PFN3: variants seen among roughly 807,000 people sequenced by gnomAD.
The protein encoded by PFN3 is profilin-3.
A neutral mutation model predicts 6.2 loss-of-function variants in PFN3; 7 were observed. That is an observed-to-expected ratio of 1.13 (90% confidence interval 0.64 to 2.13). PFN3 has a LOEUF of 2.13. Ranked by LOEUF, PFN3 falls within the 30% of genes most tolerant of loss-of-function variation. PFN3 has a pLI of 0.00. For missense variants in PFN3, 251 were observed against 209.3 expected (o/e 1.20, Z -1.23); for synonymous variants, 112 against 97.7 (o/e 1.15, Z -0.87).
Position 177,400,256 on chromosome 5 carries a change from G to A in PFN3, c.321C>T (p.Leu107=), listed in dbSNP as rs1227662845. The stretch of plus-strand genomic sequence containing the variant: ...CGCCGCGTCGGCCCATTAGCACCAG[G>A]AGCGCGCGCGGCGCACGGCCCACGC... ...AVCVGRAPRA[L]LVLMGRRGVH... Residue 107 remains leucine, a synonymous_variant, in exon 1 of 1, where the codon CTC becomes CTT. Transcript: ENST00000358571. 11 of 1,609,808 alleles carry A rather than the reference G, an allele frequency of 6.8e-6. No homozygotes were observed. In the South Asian group the frequency reaches 7.7e-5, roughly 11 times the overall value.
chr5:177,400,633 C>G lies in PFN3; in HGVS notation c.-57G>C, dbSNP rs1763114938. The stretch of plus-strand genomic sequence containing the variant: ...CTCTCGGGGAAATATAGAGGCGCCA[C>G]GCGGGGAAGGCCTGCGGCGCTGTGA... On this transcript the variant is annotated 5_prime_UTR_variant, in exon 1 of 1. Transcript: ENST00000358571. 6.5e-7 allele frequency: 1 copy of G among 1,549,242 alleles called. No individual in the cohort carries two copies. Among genetic ancestry groups the G allele is most frequent in the Admixed American group, 1.8e-5 (1 of 54,182 alleles).
At position 177,400,345 on chromosome 5, in the gene PFN3, G is replaced by GGT; in HGVS notation, c.230_231dup (p.Leu78ThrfsTer34). The GGT allele has an allele frequency of 6.5e-7, 1 of 1,536,060 alleles. No homozygotes were observed. The highest frequency in any genetic ancestry group is 1.2e-5 in the South Asian group (1 of 82,662). ...AGCACGCCGTCACCCTCGGCCAGCA[G>GGT]GTGGTCGCGGATGACGCAGCAGCGG... On this transcript the variant is annotated frameshift_variant, in exon 1 of 1. Coordinates refer to ENST00000358571, the MANE Select transcript of PFN3 (RefSeq NM_001029886.3). LOFTEE classifies it high-confidence loss of function.
In PFN3 at chr5:177,400,373, G is replaced by A. The variant is rs1561638005; in HGVS notation, c.204C>T (p.Gly68=). 1 of 1,536,432 alleles carries A rather than the reference G, an allele frequency of 6.5e-7. No individual in the cohort carries two copies. Among genetic ancestry groups the A allele is most frequent in the Non-Finnish European group, 8.8e-7 (1 of 1,142,394 alleles). ...TFLQAGLSVG[G]RRCCVIRDHL... ...GGTCGCGGATGACGCAGCAGCGGCG[G>A]CCCCCCACGCTCAGGCCCGCCTGCA... Residue 68 remains glycine, a synonymous_variant, in exon 1 of 1, where the codon GGC becomes GGT. Transcript: ENST00000358571.
Position 177,400,471 on chromosome 5 carries a change from G to T in PFN3, c.106C>A (p.Pro36Thr). ...GAGATGGCCGCCAGCAGGCCCCCGG[G>T]CCGCGAAGCCCACACGCAGCTGTTG... Reference protein sequence around the residue: ...ADNSCVWASRPGGLLAAISPQ... With the variant: ...ADNSCVWASRTGGLLAAISPQ... Residue 36 changes from proline (P) to threonine (T), a missense_variant, in exon 1 of 1, where the codon CCC becomes ACC. Transcript: ENST00000358571. The T allele has an allele frequency of 6.3e-7, 1 of 1,576,410 alleles. No homozygotes were observed.
rs939465714 is a variant in PFN3, at chr5:177,400,648, C to T, written c.-72G>A. On this transcript the variant is annotated 5_prime_UTR_variant, in exon 1 of 1. Transcript: ENST00000358571. Reference sequence around the variant, plus strand: ...AGAGGCGCCACGCGGGGAAGGCCTGCGGCGCTGTGAGGCAGGCTGGGCGGG... The same window carrying T: ...AGAGGCGCCACGCGGGGAAGGCCTGTGGCGCTGTGAGGCAGGCTGGGCGGG... 6.6e-7 allele frequency: 1 copy of T among 1,518,276 alleles called. No homozygotes were observed. The highest frequency in any genetic ancestry group is 1.4e-5 in the African/African-American group (1 of 71,456). The allele number at this position is 1,518,276 out of a possible 1,614,324, so 94.1% of individuals were successfully genotyped here.
rs1035285210 is a variant in PFN3 at position 177,400,148 on chromosome 5, G to C, written c.*15C>G. ...TATTTGGCCCGCGCTACCAGTGGGC[G>C]GCCTGGCTGGCCGGCTAGGCGCCCT... On this transcript the variant is annotated 3_prime_UTR_variant, in exon 1 of 1. Coordinates refer to ENST00000358571, the MANE Select transcript of PFN3 (RefSeq NM_001029886.3). 1 of 1,609,974 alleles carries C rather than the reference G, an allele frequency of 6.2e-7. No homozygotes were observed. Among genetic ancestry groups the C allele is most frequent in the Admixed American group, 1.7e-5 (1 of 59,670 alleles).
At position 177,400,257 on chromosome 5, in the gene PFN3, A is replaced by AGC; in HGVS notation, c.318_319dup (p.Leu107ArgfsTer5). 1 of 1,609,748 alleles carries AGC rather than the reference A, an allele frequency of 6.2e-7. No homozygotes were observed. The highest frequency in any genetic ancestry group is 8.5e-7 in the Non-Finnish European group (1 of 1,178,558). On this transcript the variant is annotated frameshift_variant, in exon 1 of 1. Transcript: ENST00000358571. LOFTEE classifies it high-confidence loss of function. Reference sequence around the variant, plus strand: ...GCCGCGTCGGCCCATTAGCACCAGGAGCGCGCGCGGCGCACGGCCCACGCA... The same window carrying AGC: ...GCCGCGTCGGCCCATTAGCACCAGGAGCGCGCGCGCGGCGCACGGCCCACGCA...
chr5:177,400,133 G>T lies in PFN3; in HGVS notation c.*30C>A. On this transcript the variant is annotated 3_prime_UTR_variant, in exon 1 of 1. Transcript: ENST00000358571. The stretch of plus-strand genomic sequence containing the variant: ...GCCCAGGTCACAGTTTATTTGGCCC[G>T]CGCTACCAGTGGGCGGCCTGGCTGG... 1 of 1,608,164 alleles carries T rather than the reference G, an allele frequency of 6.2e-7. No individual in the cohort carries two copies. Among genetic ancestry groups the T allele is most frequent in the Non-Finnish European group, 8.5e-7 (1 of 1,177,944 alleles).
In PFN3 at chr5:177,400,544, C is replaced by T. The variant is rs1422634756; in HGVS notation, c.33G>A (p.Val11=). Residue 11 remains valine (V), a synonymous_variant, in exon 1 of 1, where the codon GTG becomes GTA. Transcript: ENST00000358571. The part of the protein sequence containing the change: MGDWKVYISA[V]LRDQRIDDVA... ...CGTCGTCGATGCGCTGGTCCCGCAG[C>T]ACTGCACTGATGTAGACCTTCCAGT... 2 of 1,597,414 alleles carry T rather than the reference C, an allele frequency of 1.3e-6. No individual in the cohort carries two copies. Among genetic ancestry groups the T allele is most frequent in the Non-Finnish European group, 8.5e-7 (1 of 1,179,254 alleles).
rs1449968070 is a variant in PFN3 at position 177,400,201 on chromosome 5, G to A, written c.376C>T (p.His126Tyr). The A allele has an allele frequency of 6.2e-7, 1 of 1,611,966 alleles. No homozygotes were observed. Among genetic ancestry groups the A allele is most frequent in the Non-Finnish European group, 8.5e-7 (1 of 1,179,608 alleles). ...VHGGILNKTV[H>Y]ELIRGLRMQG... ...ATGCGCAGCCCGCGTATGAGTTCGT[G>A]CACCGTCTTGTTGAGGATGCCCCCA... The change falls in exon 1 of 1, where the codon CAC (histidine) becomes TAC (tyrosine). Residue 126 changes from histidine to tyrosine, a missense_variant. Transcript: ENST00000358571.
Position 177,400,580 on chromosome 5 carries a change from G to A in PFN3, c.-4C>T. 6.3e-7 allele frequency: 1 copy of A among 1,592,588 alleles called. No individual in the cohort carries two copies. Among genetic ancestry groups the A allele is most frequent in the African/African-American group, 1.4e-5 (1 of 74,006 alleles). The stretch of plus-strand genomic sequence containing the variant: ...TGTAGACCTTCCAGTCGCCCATCGC[G>A]CTCCGAGTGCGCCCAGCCGCCTCGC... On this transcript the variant is annotated 5_prime_UTR_variant, in exon 1 of 1. Coordinates refer to ENST00000358571, the MANE Select transcript of PFN3 (RefSeq NM_001029886.3).
At position 177,400,132 on chromosome 5, in the gene PFN3, C is replaced by A; in HGVS notation, c.*31G>T. ...CGCCCAGGTCACAGTTTATTTGGCCCGCGCTACCAGTGGGCGGCCTGGCTG... is the reference window on the plus strand; with the variant it reads ...CGCCCAGGTCACAGTTTATTTGGCCAGCGCTACCAGTGGGCGGCCTGGCTG... On this transcript the variant is annotated 3_prime_UTR_variant, in exon 1 of 1. Coordinates refer to ENST00000358571, the MANE Select transcript of PFN3 (RefSeq NM_001029886.3). 5 of 1,606,538 alleles carry A rather than the reference C, an allele frequency of 3.1e-6. No individual in the cohort carries two copies. The highest frequency in any genetic ancestry group is 4.2e-6 in the Non-Finnish European group (5 of 1,177,308).
Position 177,400,647 on chromosome 5 carries a change from G to GCCTCA in PFN3, c.-72_-71insTGAGG. On this transcript the variant is annotated 5_prime_UTR_variant, in exon 1 of 1. Coordinates refer to ENST00000358571, the MANE Select transcript of PFN3 (RefSeq NM_001029886.3). Reference sequence around the variant, plus strand: ...TAGAGGCGCCACGCGGGGAAGGCCTGCGGCGCTGTGAGGCAGGCTGGGCGG... The same window carrying GCCTCA: ...TAGAGGCGCCACGCGGGGAAGGCCTGCCTCACGGCGCTGTGAGGCAGGCTGGGCGG... 1 of 1,519,848 alleles carries GCCTCA rather than the reference G, an allele frequency of 6.6e-7. No individual in the cohort carries two copies. Among genetic ancestry groups the GCCTCA allele is most frequent in the Non-Finnish European group, 8.8e-7 (1 of 1,137,134 alleles). The allele number at this position is 1,519,848 out of a possible 1,614,324, so 94.1% of individuals were successfully genotyped here.
In PFN3 at chr5:177,400,397, C is replaced by T; in HGVS notation, c.180G>A (p.Leu60=). Residue 60 remains leucine (L), a synonymous_variant, in exon 1 of 1, where the codon CTG becomes CTA. Coordinates refer to ENST00000358571, the MANE Select transcript of PFN3 (RefSeq NM_001029886.3). ...VLTGPDRHTF[L]QAGLSVGGRR... is the part of the protein sequence containing the mutation. ...GGCCCCCCACGCTCAGGCCCGCCTGCAGGAAGGTGTGCCTGTCCGGCCCCG... is the reference window on the plus strand; with the variant it reads ...GGCCCCCCACGCTCAGGCCCGCCTGTAGGAAGGTGTGCCTGTCCGGCCCCG... 2 of 1,540,540 alleles carry T rather than the reference C, an allele frequency of 1.3e-6. No individual in the cohort carries two copies. The highest frequency in any genetic ancestry group is 1.7e-6 in the Non-Finnish European group (2 of 1,145,100).
Position 177,400,113 on chromosome 5 carries a change from G to T in PFN3, c.*50C>A. 6.3e-7 allele frequency: 1 copy of T among 1,598,354 alleles called. No individual in the cohort carries two copies. The highest frequency in any genetic ancestry group is 1.1e-5 in the South Asian group (1 of 89,936). On this transcript the variant is annotated 3_prime_UTR_variant, in exon 1 of 1. Coordinates refer to ENST00000358571, the MANE Select transcript of PFN3 (RefSeq NM_001029886.3). ...GTGGAGGAGGAGCCAGCCGCGCCCA[G>T]GTCACAGTTTATTTGGCCCGCGCTA...
At position 177,400,222 on chromosome 5, in the gene PFN3, C is replaced by T; in HGVS notation, c.355G>A (p.Gly119Ser). ...TCGTGCACCGTCTTGTTGAGGATGC[C>T]CCCATGTACGCCGCGTCGGCCCATT... Reference protein sequence around the residue: ...VLMGRRGVHGGILNKTVHELI... With the variant: ...VLMGRRGVHGSILNKTVHELI... The change falls in exon 1 of 1, where the codon GGC becomes AGC. Residue 119 changes from glycine (G) to serine (S), a missense_variant. By Grantham distance (56) the Gly-to-Ser change is moderately conservative. Transcript: ENST00000358571. The T allele has an allele frequency of 6.2e-7, 1 of 1,611,942 alleles. No homozygotes were observed. Among genetic ancestry groups the T allele is most frequent in the Non-Finnish European group, 8.5e-7 (1 of 1,179,524 alleles).
chr5:177,400,317 T>C lies in PFN3; in HGVS notation c.260A>G (p.Asp87Gly), dbSNP rs915309754. 2 of 1,560,816 alleles carry C rather than the reference T, an allele frequency of 1.3e-6. No homozygotes were observed. Among genetic ancestry groups the C allele is most frequent in the East Asian group, 2.4e-5 (1 of 41,238 alleles). Residue 87 changes from aspartate (D) to glycine (G), a missense_variant, in exon 1 of 1, where the codon GAC becomes GGC. By Grantham distance (94) the Asp-to-Gly change is moderately conservative (BLOSUM62 -1). Transcript: ENST00000358571. ...HLLAEGDGVL[D>G]ARTKGLDARA... ...CGCGTCCAGCCCCTTGGTGCGTGCG[T>C]CCAGCACGCCGTCACCCTCGGCCAG...
Position 177,400,404 on chromosome 5 carries a change from G to A in PFN3, c.173C>T (p.Thr58Ile). Residue 58 changes from threonine to isoleucine, a missense_variant, in exon 1 of 1, where the codon ACC (threonine) becomes ATC (isoleucine). Coordinates refer to ENST00000358571, the MANE Select transcript of PFN3 (RefSeq NM_001029886.3). ...CACGCTCAGGCCCGCCTGCAGGAAGGTGTGCCTGTCCGGCCCCGTGAGCAC... is the reference window on the plus strand; with the variant it reads ...CACGCTCAGGCCCGCCTGCAGGAAGATGTGCCTGTCCGGCCCCGTGAGCAC... ...VGVLTGPDRHTFLQAGLSVGG... is the reference protein window; with the variant it reads ...VGVLTGPDRHIFLQAGLSVGG... 6.5e-7 allele frequency: 1 copy of A among 1,540,758 alleles called. No homozygotes were observed. Among genetic ancestry groups the A allele is most frequent in the Non-Finnish European group, 8.7e-7 (1 of 1,145,698 alleles).
In PFN3 at chr5:177,400,382, G is replaced by A. The variant is rs1327999678; in HGVS notation, c.195C>T (p.Ser65=). The change falls in exon 1 of 1, where the codon AGC becomes AGT. Residue 65 remains serine, a synonymous_variant. Transcript: ENST00000358571. The part of the protein sequence containing the change: ...DRHTFLQAGL[S]VGGRRCCVIR... Reference sequence around the variant, plus strand: ...TGACGCAGCAGCGGCGGCCCCCCACGCTCAGGCCCGCCTGCAGGAAGGTGT... The same window carrying A: ...TGACGCAGCAGCGGCGGCCCCCCACACTCAGGCCCGCCTGCAGGAAGGTGT... The A allele has an allele frequency of 1.9e-6, 3 of 1,539,158 alleles. No homozygotes were observed. The highest frequency in any genetic ancestry group is 2.4e-5 in the South Asian group (2 of 83,632).
Sources: allele counts gnomAD v4.1 joint callset, GRCh38; gene constraint gnomAD v4.1.1; transcripts MANE v1.5; gene names NCBI Gene and HGNC (gene_info 2026-07-23, HGNC 2026-07-21).